Variants in JAG1 observed in about 807,000 individuals in gnomAD.
JAG1 encodes the protein protein jagged-1.
In JAG1, 23 loss-of-function variants were observed where a neutral mutation model predicts 148.7. That is an observed-to-expected ratio of 0.15 (90% CI 0.11 to 0.22). JAG1 has a LOEUF of 0.22. Among genes scored for constraint, JAG1 ranks in the 10% least tolerant of loss-of-function variants. JAG1 has a pLI of 1.00. For synonymous variants in JAG1, 572 were observed against 598.3 expected (o/e 0.96, Z 0.64); for missense variants, 1,054 against 1,611.2 (o/e 0.65, Z 5.92).
At chr20:10,660,529 CA>C (rs1429835179) in intron 3 of JAG1, among the ~76,000 whole-genome samples, 38 of 152,322 alleles carry the variant, frequency 2.5e-4, no homozygotes, top group Admixed American at 1.8e-3. Context: ...GTATCAACAA[CA>C]AACAGTTTAG....
intron 2 of JAG1, among the ~76,000 whole-genome samples, chr20:10,671,431 C>T (rs1178989941): frequency 6.6e-6 from 1 of 152,188 alleles, no homozygotes; most frequent in Non-Finnish European, 1.5e-5. Flanking sequence ...GCAGAGGGCA[C>T]TTTATAATGC....
chr20:10,639,745 T>C lies in JAG1; in HGVS notation c.3410A>G (p.Lys1137Arg), dbSNP rs756835554. 2.5e-6 allele frequency: 4 copies of C among 1,614,170 alleles called. No individual in the cohort carries two copies. In the Admixed American group the frequency reaches 5.0e-5, roughly 20 times the overall value. The part of the protein sequence containing the change: ...EKHGANTVPI[K>R]DYENKNSKMS... ...TTTGGAGTTCTTGTTCTCATAATCC[T>C]TGATGGGGACCGTGTTGGCCCCATG... The change falls in exon 26 of 26, where the codon AAG becomes AGG. Residue 1137 changes from lysine (K) to arginine (R), a missense_variant. Transcript: ENST00000254958.
intron 13 of JAG1, chr20:10,647,366 A>AC (rs2076357024): frequency 1.9e-6 from 1 of 537,616 alleles, no homozygotes; most frequent in Middle Eastern, 5.1e-4. Flanking sequence ...CCTTCATCCT[A>AC]CCTTTGACAT....
chr20:10,643,179 A>C (rs1048773098), intron 20 of JAG1, among the ~76,000 whole-genome samples: 13 of 152,212 alleles, frequency 8.5e-5, no homozygotes, highest in Admixed American at 1.3e-4. Flanking sequence ...GCACCAGTAA[A>C]ATTTCAGACA....
intron 2 of JAG1, among the ~76,000 whole-genome samples, chr20:10,664,568 C>T (rs1369084783): frequency 6.6e-6 from 1 of 152,032 alleles, no homozygotes; most frequent in Non-Finnish European, 1.5e-5. Context: ...CATCCTGGCT[C>T]CCACAAGTAT....
chr20:10,639,417 C>T lies in JAG1; in HGVS notation c.*81G>A. On this transcript the variant is annotated 3_prime_UTR_variant, in exon 26 of 26. Coordinates refer to ENST00000254958, the MANE Select transcript of JAG1 (RefSeq NM_000214.3). ...ACAGGGATTCTAAGTCAGCAACGGC[C>T]TCAGACTCGAGTATGACACGACAGT... 7.8e-7 allele frequency: 1 copy of T among 1,279,162 alleles called. No homozygotes were observed. The highest frequency in any genetic ancestry group is 1.5e-5 in the African/African-American group (1 of 68,524). The allele number at this position is 1,279,162 out of a possible 1,614,324, so 79.2% of individuals were successfully genotyped here. A position where few individuals can be genotyped will look rare whatever the true frequency, so the allele number is the denominator to read the frequency against.
intron 2 of JAG1, among the ~76,000 whole-genome samples, chr20:10,665,445 T>A (rs948096517): frequency 8.5e-5 from 13 of 152,218 alleles, no homozygotes; most frequent in African/African-American, 2.9e-4. Flanking sequence ...CTCCTGTTAG[T>A]GGCCACAGGT....
rs1188935564 is a variant in JAG1, at chr20:10,638,651, C to A, written c.*847G>T. 6.6e-6 allele frequency: 1 copy of A among 152,344 alleles called. No individual in the cohort carries two copies. Among genetic ancestry groups the A allele is most frequent in the East Asian group, 1.9e-4 (1 of 5,190 alleles). The allele number at this position is 152,344 out of a possible 1,614,324, so 9.4% of individuals were successfully genotyped here. A position where few individuals can be genotyped will look rare whatever the true frequency, so the allele number is the denominator to read the frequency against. On this transcript the variant is annotated 3_prime_UTR_variant, in exon 26 of 26. Transcript: ENST00000254958. Reference sequence around the variant, plus strand: ...ACATCTGACGTCGTACAAAAAAATTCCATCAGTATTCTGGGCACAGAAGCC... The same window carrying A: ...ACATCTGACGTCGTACAAAAAAATTACATCAGTATTCTGGGCACAGAAGCC...
chr20:10,639,271 C>A lies in JAG1; in HGVS notation c.*227G>T, dbSNP rs2067253260. On this transcript the variant is annotated 3_prime_UTR_variant, in exon 26 of 26. Transcript: ENST00000254958. ...AGACCGTGTCGGCTGCAAGGGGACA[C>A]ACAACCAGGGTACTGTTGACTAGCT... The A allele has an allele frequency of 5.0e-6, 3 of 594,440 alleles. No individual in the cohort carries two copies. In the East Asian group the frequency reaches 9.1e-5, roughly 18 times the overall value. 36.8% of individuals were successfully genotyped at this position (594,440 alleles called of 1,614,324 possible). A position where few individuals can be genotyped will look rare whatever the true frequency, so the allele number is the denominator to read the frequency against.
chr20:10,653,465 C>T (rs1795989891), intron 5 of JAG1, among the ~76,000 whole-genome samples: 1 of 150,880 alleles, frequency 6.6e-6, no homozygotes, highest in South Asian at 2.1e-4. Flanking sequence ...AAACCACTCT[C>T]CCTTGAATTT....
At chr20:10,662,164 A>G (rs2067421644) in intron 3 of JAG1, 1 of 152,176 alleles carries the variant, frequency 6.6e-6, no homozygotes, top group African/African-American at 2.4e-5. Context: ...ATAACCTGCA[A>G]TGGGCACCCT....
intron 2 of JAG1, among the ~76,000 whole-genome samples, chr20:10,665,245 G>A (rs1024606426): frequency 7.9e-5 from 12 of 152,218 alleles, no homozygotes; most frequent in Admixed American, 2.6e-4. Context: ...CCAGCTTAGC[G>A]CTCTCAGAGT....
intron 2 of JAG1, among the ~76,000 whole-genome samples, chr20:10,669,995 A>C (rs962409393): frequency 6.6e-6 from 1 of 152,192 alleles, no homozygotes; most frequent in Non-Finnish European, 1.5e-5. Flanking sequence ...GAGCAGCAAC[A>C]GTATGAGAAT....
At position 10,640,946 on chromosome 20, in the gene JAG1, T is replaced by C. The variant is rs1236236280; in HGVS notation, c.3049-13A>G. On this transcript the variant is annotated splice_polypyrimidine_tract_variant and intron_variant, in intron 24 of 25. Transcript: ENST00000254958. ...TATCTTCAGCAGACTGGAAAAACAA[T>C]TGTCAGACTTGAGAGTCAGAGGAAT... The C allele has an allele frequency of 5.0e-6, 8 of 1,613,998 alleles. No individual in the cohort carries two copies. The highest frequency in any genetic ancestry group is 6.8e-6 in the Non-Finnish European group (8 of 1,179,968).
chr20:10,663,308 G>T (rs1005500272), intron 3 of JAG1, among the ~76,000 whole-genome samples: 1 of 152,180 alleles, frequency 6.6e-6, no homozygotes, highest in Non-Finnish European at 1.5e-5. Flanking sequence ...TAAAGAGCAA[G>T]ACTACTTTGT....
At chr20:10,655,340 A>G (rs1299814421) in intron 5 of JAG1, among the ~76,000 whole-genome samples, 2 of 152,174 alleles carry the variant, frequency 1.3e-5, no homozygotes, top group Non-Finnish European at 2.9e-5. Flanking sequence ...TGGATGTGGG[A>G]CGGAGCCCAC....
At chr20:10,664,665 G>A (rs1208558364) in intron 2 of JAG1, among the ~76,000 whole-genome samples, 1 of 152,078 alleles carries the variant, frequency 6.6e-6, no homozygotes, top group Non-Finnish European at 1.5e-5. Context: ...GTGGAGTTGG[G>A]GGCAGATCCC....
intron 22 of JAG1, 32 bp downstream of exon 22, chr20:10,641,751 A>G: frequency 6.2e-7 from 1 of 1,608,746 alleles, no homozygotes; most frequent in Non-Finnish European, 8.5e-7. Context: ...ATTCCAGAAC[A>G]CAGGTGAACT....
intron 18 of JAG1, 24 bp downstream of exon 18, chr20:10,644,839 A>G (rs1358467185): frequency 1.3e-6 from 2 of 1,520,406 alleles, no homozygotes; most frequent in South Asian, 2.2e-5. Context: ...GCCCTGGGAG[A>G]GTTCAAGGGG....
Sources: allele counts gnomAD v4.1 joint callset (sites outside exome capture counted in the v4.1 genomes callset), GRCh38; gene constraint gnomAD v4.1.1; transcripts MANE v1.5; gene names NCBI Gene and HGNC (gene_info 2026-07-23, HGNC 2026-07-21).